MGAT4C: variants seen among roughly 807,000 people sequenced by gnomAD.
The protein encoded by MGAT4C is alpha-1,3-mannosyl-glycoprotein 4-beta-N-acetylglucosaminyltransferase C.
Under a neutral mutation model 40.1 loss-of-function variants are expected in MGAT4C, and 19 were observed. The observed-to-expected ratio is 0.47, with a 90% CI of 0.33 to 0.70. The LOEUF is 0.70. Among genes scored for constraint, MGAT4C ranks in the 30% least tolerant of loss-of-function variants. The probability of loss-of-function intolerance (pLI) is 0.02; values close to 1 mark genes in which losing one functional copy is unlikely to be tolerated. For missense variants in MGAT4C, 491 were observed against 563.2 expected (o/e 0.87, Z 1.30); for synonymous variants, 181 against 187.1 (o/e 0.97, Z 0.27).
chr12:86,557,891 G>A (rs1959687409), intron 2 of MGAT4C, among the ~76,000 whole-genome samples: 1 of 151,762 alleles, frequency 6.6e-6, no homozygotes, highest in South Asian at 2.1e-4. Flanking sequence ...GGAAATATAT[G>A]AATTACCTGA....
chr12:86,722,247 T>C (rs1393064972), intron 2 of MGAT4C, among the ~76,000 whole-genome samples: 1 of 152,062 alleles, frequency 6.6e-6, no homozygotes, highest in Non-Finnish European at 1.5e-5. Flanking sequence ...GAGGGAACTG[T>C]AGCATTGCTA....
At chr12:86,812,903 T>A (rs1203473803) in intron 1 of MGAT4C, among the ~76,000 whole-genome samples, 1 of 152,136 alleles carries the variant, frequency 6.6e-6, no homozygotes, top group African/African-American at 2.4e-5. Context: ...GATCATTCAT[T>A]TGCCATTGGT....
intron 1 of MGAT4C, among the ~76,000 whole-genome samples, chr12:86,760,277 G>A (rs1196138090): frequency 1.3e-5 from 2 of 152,002 alleles, no homozygotes; most frequent in African/African-American, 4.8e-5. Flanking sequence ...ACTCAGAATG[G>A]ATTAAAGACC....
chr12:86,173,963 G>A (rs548624710), intron 1 of MGAT4C, among the ~76,000 whole-genome samples: 68 of 151,766 alleles, frequency 4.5e-4, no homozygotes, highest in African/African-American at 1.5e-3. Flanking sequence ...ATTTAATACT[G>A]TCATTCTGTG....
chr12:86,799,315 A>G (rs1952184311), intron 1 of MGAT4C, among the ~76,000 whole-genome samples: 3 of 151,580 alleles, frequency 2.0e-5, no homozygotes, highest in African/African-American at 7.3e-5. Context: ...CTGGTTTTCT[A>G]TTTTCTCTAG....
rs1376748600 is a variant in MGAT4C, at chr12:85,969,582, A to T, written c.*9707T>A. On this transcript the variant is annotated 3_prime_UTR_variant, in exon 5 of 5. Coordinates refer to ENST00000611864, the MANE Select transcript of MGAT4C (RefSeq NM_001351288.2). The stretch of plus-strand genomic sequence containing the variant: ...TTCAAGTTTAAAAAATGAGAAAAAA[A>T]TGTTTTACATGAAGAAACTAATTAT... The T allele has an allele frequency of 6.6e-6, 1 of 151,636 alleles. No individual in the cohort carries two copies. Among genetic ancestry groups the T allele is most frequent in the Admixed American group, 6.6e-5 (1 of 15,188 alleles). 9.4% of individuals were successfully genotyped at this position (151,636 alleles called of 1,614,324 possible).
chr12:86,466,069 C>T (rs763275448), intron 2 of MGAT4C, among the ~76,000 whole-genome samples: 61 of 151,792 alleles, frequency 4.0e-4, no homozygotes, highest in Admixed American at 5.9e-4. Context: ...ATCAGCCAGG[C>T]GTGGTGGCAG....
intron 2 of MGAT4C, among the ~76,000 whole-genome samples, chr12:86,665,421 G>A (rs866336683): frequency 7.3e-5 from 11 of 150,950 alleles, no homozygotes; most frequent in African/African-American, 2.4e-4. Context: ...CTGTCACCTC[G>A]GCTGGAGTGC....
At chr12:86,262,476 A>T (rs1379879056) in intron 4 of MGAT4C, among the ~76,000 whole-genome samples, 2 of 152,064 alleles carry the variant, frequency 1.3e-5, no homozygotes, top group East Asian at 3.8e-4. Context: ...CTAGCTTATT[A>T]AATCAAATCT....
At chr12:86,024,547 T>A (rs1291106863) in intron 2 of MGAT4C, among the ~76,000 whole-genome samples, 2 of 151,850 alleles carry the variant, frequency 1.3e-5, no homozygotes, top group Non-Finnish European at 3.0e-5. Context: ...ATATAAAGAC[T>A]CTTAAAGTTG....
At chr12:86,718,542 C>G (rs1950686668) in intron 2 of MGAT4C, among the ~76,000 whole-genome samples, 1 of 152,108 alleles carries the variant, frequency 6.6e-6, no homozygotes, top group African/African-American at 2.4e-5. Flanking sequence ...GACATCTCCT[C>G]TCTGTATATG....
rs191748694 is a variant in MGAT4C, at chr12:86,227,167, T to C, written c.-57+29072A>G. 3.3e-3 allele frequency among the ~76,000 whole-genome samples: 509 copies of C among 152,078 alleles called. 1 individual carries two copies. Among genetic ancestry groups the C allele is most frequent in the African/African-American group, 0.012 (487 of 41,560 alleles). ...CTACATGCTTTCTGTTTTCTTTACTTGGCATCAAAGATGTCATTTTTTTTT... is the reference window on the plus strand; with the variant it reads ...CTACATGCTTTCTGTTTTCTTTACTCGGCATCAAAGATGTCATTTTTTTTT... On this transcript the variant is annotated intron_variant, in intron 1 of 4. Coordinates refer to ENST00000611864, the MANE Select transcript of MGAT4C (RefSeq NM_001351288.2).
intron 2 of MGAT4C, among the ~76,000 whole-genome samples, chr12:86,681,161 A>G (rs895155247): frequency 1.3e-5 from 2 of 151,906 alleles, no homozygotes; most frequent in African/African-American, 4.8e-5. Context: ...TATCCATGTA[A>G]TCCTCTAGCA....
intron 1 of MGAT4C, chr12:86,745,209 T>A (rs1951135361): frequency 6.6e-6 from 1 of 151,570 alleles, no homozygotes; most frequent in African/African-American, 2.4e-5. Flanking sequence ...CACCATCTAC[T>A]GAAAGACATT....
At chr12:86,552,152 A>T (rs1050194434) in intron 2 of MGAT4C, among the ~76,000 whole-genome samples, 2 of 152,112 alleles carry the variant, frequency 1.3e-5, no homozygotes, top group African/African-American at 4.8e-5. Context: ...AATCTGAAGA[A>T]CACTCACTGA....
chr12:86,584,307 AATAAT>A (rs1428316380), intron 2 of MGAT4C, among the ~76,000 whole-genome samples: 1 of 150,928 alleles, frequency 6.6e-6, no homozygotes, highest in Non-Finnish European at 1.5e-5. Flanking sequence ...TAATTTATAA[AATAAT>A]ATAATATTTT....
At chr12:86,685,378 C>A (rs1646502254) in intron 2 of MGAT4C, among the ~76,000 whole-genome samples, 1 of 152,116 alleles carries the variant, frequency 6.6e-6, no homozygotes, top group Non-Finnish European at 1.5e-5. Context: ...GGCCTCCGTT[C>A]TGTTCCATTG....
intron 2 of MGAT4C, among the ~76,000 whole-genome samples, chr12:86,440,674 A>T (rs757209824): frequency 3.3e-5 from 5 of 152,114 alleles, no homozygotes; most frequent in Admixed American, 3.3e-4. Flanking sequence ...ATCAGAAAAT[A>T]GGAAGTCAAC....
At position 86,361,654 on chromosome 12, in the gene MGAT4C, C is replaced by A. The variant is rs569021992; in HGVS notation, c.-119-27527G>T. ...AAATTTACAAGAAAAAATCATACAA[C>A]CCCATCAAAAAGTGGGCGAAGGATA... On this transcript the variant is annotated intron_variant, in intron 3 of 7. Transcript: ENST00000548651. 4.5e-3 allele frequency among the ~76,000 whole-genome samples: 688 copies of A among 152,250 alleles called. 8 individuals are homozygous for A. Among genetic ancestry groups the A allele is most frequent in the Admixed American group, 6.7e-3 (102 of 15,290 alleles).
Sources: gnomAD v4.1 joint callset for allele counts (sites outside exome capture counted in the v4.1 genomes callset) on GRCh38, gnomAD v4.1.1 for gene constraint, MANE v1.5 for transcripts, NCBI Gene and HGNC (gene_info 2026-07-23, HGNC 2026-07-21) for gene names.